Variants in PPARG observed in about 807,000 individuals in gnomAD.
The protein encoded by PPARG is peroxisome proliferator activated receptor gamma.
In PPARG, 17 loss-of-function variants were observed where a neutral mutation model predicts 39.2. The observed-to-expected ratio is 0.43, with a 90% CI of 0.30 to 0.65. The LOEUF is 0.65. Ranked by LOEUF, PPARG falls within the 30% of genes least tolerant of loss-of-function variation. PPARG has a pLI of 0.13. For missense variants in PPARG, 406 were observed against 585.9 expected, an observed-to-expected ratio of 0.69 and a Z score of 3.17; for synonymous variants, 223 against 215.7, an observed-to-expected ratio of 1.03 and a Z score of -0.30.
At chr3:12,405,461 C>T (rs2050624999) in intron 5 of PPARG, among the ~76,000 whole-genome samples, 2 of 152,200 alleles carry the variant, frequency 1.3e-5, no homozygotes, top group African/African-American at 2.4e-5. Flanking sequence ...TGCACAGTTT[C>T]GTATTTTAAT....
rs58459399 is a variant in PPARG at position 12,298,298 on chromosome 3, C to CAAAAAAA, written c.-83+9187_-83+9193dup. ...TGGGCGACAGAGCGAGACTCTGTCT[C>CAAAAAAA]AAAAAAAAAAAAAAAAAAAAAAAAA... On this transcript the variant is annotated intron_variant, in intron 1 of 7. Transcript: ENST00000651735. Among the ~76,000 whole-genome samples the CAAAAAAA allele has an allele frequency of 2.5e-3, 103 of 41,364 alleles. 5 individuals carry two copies. The highest frequency in any genetic ancestry group is 0.012 in the African/African-American group (76 of 6,408). The allele number at this position is 41,364 out of a possible 152,430, so 27.1% of individuals were successfully genotyped here.
Position 12,309,899 on chromosome 3 carries a change from T to A in PPARG, c.-82-2481T>A, listed in dbSNP as rs150971090. Among the ~76,000 whole-genome samples, 527 of 152,306 alleles carry A rather than the reference T, an allele frequency of 3.5e-3. 4 individuals are homozygous for A. Among genetic ancestry groups the A allele is most frequent in the African/African-American group, 0.012 (483 of 41,560 alleles). ...TGTGTTTAAGTGTGAGGCAATTGTC[T>A]GCTGTCTTCACAGCCCAGTTCTCTG... On this transcript the variant is annotated intron_variant, in intron 1 of 7. Coordinates refer to ENST00000651735, the MANE Select transcript of PPARG (RefSeq NM_138711.6).
chr3:12,371,590 A>G (rs904409730), intron 2 of PPARG, among the ~76,000 whole-genome samples: 5 of 152,222 alleles, frequency 3.3e-5, no homozygotes, highest in African/African-American at 7.2e-5. Flanking sequence ...ACATTCATAT[A>G]CATTCACTAA....
At chr3:12,358,163 G>C (rs189428681) in intron 2 of PPARG, among the ~76,000 whole-genome samples, 1 of 152,240 alleles carries the variant, frequency 6.6e-6, no homozygotes, top group East Asian at 1.9e-4. Context: ...AATATCATTT[G>C]AATATTAATT....
At chr3:12,372,217 A>G in intron 2 of PPARG, 2 of 707,992 alleles carry the variant, frequency 2.8e-6, no homozygotes, top group Non-Finnish European at 5.3e-6. Context: ...CTGGCACATT[A>G]TAGGTATTCA....
intron 2 of PPARG, among the ~76,000 whole-genome samples, chr3:12,347,142 G>A (rs1482262508): frequency 2.0e-5 from 3 of 151,342 alleles, no homozygotes; most frequent in African/African-American, 7.3e-5. Flanking sequence ...AGCCTAGATT[G>A]TGCCACTGCA....
rs1192273998 is a variant in PPARG at position 12,406,086 on chromosome 3, G to A, written c.729+5G>A. ...GGAAAGACAACAGACAAATCAGTTA[G>A]TTCTCTTCTGCTGTCTTCATTGGGG... is the stretch of plus-strand genomic sequence containing the variant. On this transcript the variant is annotated splice_donor_5th_base_variant and intron_variant, in intron 6 of 7. Transcript: ENST00000651735. The A allele has an allele frequency of 1.9e-6, 3 of 1,613,728 alleles. No individual in the cohort carries two copies. Among genetic ancestry groups the A allele is most frequent in the Non-Finnish European group, 8.5e-7 (1 of 1,179,884 alleles).
intron 7 of PPARG, among the ~76,000 whole-genome samples, chr3:12,420,426 TG>T (rs1339006661): frequency 6.6e-6 from 1 of 152,146 alleles, no homozygotes; most frequent in Non-Finnish European, 1.5e-5. Flanking sequence ...TTAACAAGAG[TG>T]ATTGTTTTCT....
chr3:12,426,063 G>A (rs1198396324), intron 7 of PPARG, among the ~76,000 whole-genome samples: 1 of 152,178 alleles, frequency 6.6e-6, no homozygotes, highest in Non-Finnish European at 1.5e-5. Flanking sequence ...TGGGAGTGGA[G>A]TGTTGAGATG....
intron 4 of PPARG, among the ~76,000 whole-genome samples, chr3:12,387,263 T>TAGA (rs1183366170): frequency 2.6e-5 from 4 of 152,192 alleles, no homozygotes; most frequent in Non-Finnish European, 5.9e-5. Flanking sequence ...TCAAATGGTA[T>TAGA]TTCTAGTTCT....
At chr3:12,332,550 T>G (rs1319234338) in intron 2 of PPARG, among the ~76,000 whole-genome samples, 1 of 152,200 alleles carries the variant, frequency 6.6e-6, no homozygotes, top group East Asian at 1.9e-4. Context: ...ATATGGCATT[T>G]GTTTTTGTTT....
rs1272163030 is a variant in PPARG at position 12,397,383 on chromosome 3, TA to T, written c.529+4632del. Among the ~76,000 whole-genome samples, 5 of 70,524 alleles carry T rather than the reference TA, an allele frequency of 7.1e-5. 1 individual carries two copies. Among genetic ancestry groups the T allele is most frequent in the African/African-American group, 2.9e-4 (5 of 17,006 alleles). 46.3% of individuals were successfully genotyped at this position (70,524 alleles called of 152,430 possible). A position where few individuals can be genotyped will look rare whatever the true frequency, so the allele number is the denominator to read the frequency against. On this transcript the variant is annotated intron_variant, in intron 5 of 7. Transcript: ENST00000651735. ...TCAACTTTAACCTATTCCTTTTTAT[TA>T]TTATTATTATTATTATTATTATTAT...
At chr3:12,294,095 A>G (rs1024245623) in intron 1 of PPARG, among the ~76,000 whole-genome samples, 4 of 152,334 alleles carry the variant, frequency 2.6e-5, no homozygotes, top group East Asian at 3.9e-4. Context: ...TAAGGAGTAG[A>G]AAACAGATTT....
At chr3:12,353,279 G>T (rs1302762349) in intron 2 of PPARG, among the ~76,000 whole-genome samples, 1 of 152,094 alleles carries the variant, frequency 6.6e-6, no homozygotes. Flanking sequence ...TTTAACCCTT[G>T]TCTTATAGGG....
intron 2 of PPARG, among the ~76,000 whole-genome samples, chr3:12,371,076 C>A (rs892826161): frequency 5.3e-5 from 8 of 152,208 alleles, no homozygotes; most frequent in African/African-American, 1.9e-4. Flanking sequence ...AATGTGTACA[C>A]AAATTACTGT....
chr3:12,308,474 C>T (rs939426324), intron 1 of PPARG, among the ~76,000 whole-genome samples: 1 of 151,764 alleles, frequency 6.6e-6, no homozygotes, highest in Non-Finnish European at 1.5e-5. Flanking sequence ...TGTGCTGGAG[C>T]CACATTGTTA....
At position 12,379,935 on chromosome 3, in the gene PPARG, T is replaced by G; in HGVS notation, c.220+4T>G. On this transcript the variant is annotated splice_donor_region_variant and intron_variant, in intron 3 of 7. Transcript: ENST00000651735. ...CTGAAACTTCAAGAGTACCAAAGTA[T>G]GATGTTTATTTTCACTTTTCAGACT... 6.3e-7 allele frequency: 1 copy of G among 1,586,586 alleles called. No individual in the cohort carries two copies. The highest frequency in any genetic ancestry group is 1.1e-5 in the South Asian group (1 of 90,516).
chr3:12,392,531 A>T, intron 4 of PPARG, 83 bp from the exon 5 acceptor site: 1 of 1,511,682 alleles, frequency 6.6e-7, no homozygotes, highest in East Asian at 2.3e-5. Flanking sequence ...TCTGATTCCC[A>T]GGCCAGTATA....
Position 12,434,267 on chromosome 3 carries a change from T to C in PPARG, c.*122T>C. On this transcript the variant is annotated 3_prime_UTR_variant, in exon 8 of 8. Coordinates refer to ENST00000651735, the MANE Select transcript of PPARG (RefSeq NM_138711.6). This position sits in a 1 kb window ranked among gnomAD's most constrained non-coding sequence, Gnocchi z 4.2. ...TTTAAAAAGAAAAGGTTTTAGAATA[T>C]GATCTATTTTATGCATATTGTTTAT... is the stretch of plus-strand genomic sequence containing the variant. 7.7e-7 allele frequency: 1 copy of C among 1,295,642 alleles called. No individual in the cohort carries two copies. Among genetic ancestry groups the C allele is most frequent in the Non-Finnish European group, 1.1e-6 (1 of 920,310 alleles). The allele number at this position is 1,295,642 out of a possible 1,614,324, so 80.3% of individuals were successfully genotyped here. A position where few individuals can be genotyped will look rare whatever the true frequency, so the allele number is the denominator to read the frequency against.
Sources: allele counts gnomAD v4.1 joint callset (sites outside exome capture counted in the v4.1 genomes callset), GRCh38; gene constraint gnomAD v4.1.1; non-coding constraint Gnocchi (gnomAD v3.1); transcripts MANE v1.5; gene names NCBI Gene and HGNC (gene_info 2026-07-23, HGNC 2026-07-21).